Variants in TBCD observed in about 807,000 individuals in gnomAD.
TBCD encodes tubulin folding cofactor D.
A neutral mutation model predicts 169.3 loss-of-function variants in TBCD; 105 were observed. The ratio of observed to expected loss-of-function variants is 0.62; its 90% CI spans 0.53 to 0.73. The LOEUF (loss-of-function observed/expected upper bound fraction) is 0.73. Among genes scored for constraint, TBCD ranks in the 30% least tolerant of loss-of-function variants. The pLI is 0.00. For synonymous variants in TBCD, 700 were observed against 643.9 expected, an observed-to-expected ratio of 1.09 and a Z score of -1.32; for missense variants, 1,444 against 1,600.1, an observed-to-expected ratio of 0.90 and a Z score of 1.66.
rs745351441 is a variant in TBCD at position 82,758,661 on chromosome 17, CT to C, written c.235+2464del. 7.8e-3 allele frequency among the ~76,000 whole-genome samples: 738 copies of C among 94,548 alleles called. 3 individuals are homozygous for C. The highest frequency in any genetic ancestry group is 0.014 in the African/African-American group (297 of 21,650). 62.0% of individuals were successfully genotyped at this position (94,548 alleles called of 152,430 possible). A position where few individuals can be genotyped will look rare whatever the true frequency, so the allele number is the denominator to read the frequency against. On this transcript the variant is annotated intron_variant, in intron 2 of 38. Coordinates refer to ENST00000355528, the MANE Select transcript of TBCD (RefSeq NM_005993.5). ...TCCACCCTTTTGCTTTTTTTTTTTTCTTTTTTTTTTTTTTTTTTGAGATGTA... is the reference window on the plus strand; with the variant it reads ...TCCACCCTTTTGCTTTTTTTTTTTTCTTTTTTTTTTTTTTTTTGAGATGTA...
At chr17:82,773,183 C>T (rs983847689) in intron 6 of TBCD, among the ~76,000 whole-genome samples, 2 of 152,220 alleles carry the variant, frequency 1.3e-5, no homozygotes, top group East Asian at 1.9e-4. Flanking sequence ...TAAAACCTTT[C>T]GGTGGTTGTG....
At chr17:82,755,720 G>A (rs946051051) in intron 1 of TBCD, among the ~76,000 whole-genome samples, 3 of 152,166 alleles carry the variant, frequency 2.0e-5, no homozygotes, top group Non-Finnish European at 4.4e-5. Flanking sequence ...TAGATGGCTA[G>A]GGGGCTTAGA....
At chr17:82,754,490 G>A (rs2143757099) in intron 1 of TBCD, among the ~76,000 whole-genome samples, 1 of 152,366 alleles carries the variant, frequency 6.6e-6, no homozygotes, top group East Asian at 1.9e-4. Context: ...CATGTCTTGT[G>A]ATCTCAAGAA....
At chr17:82,851,544 G>T (rs749354155) in intron 13 of TBCD, among the ~76,000 whole-genome samples, 14 of 152,228 alleles carry the variant, frequency 9.2e-5, no homozygotes, top group Non-Finnish European at 1.6e-4. Context: ...CTCTGGCCCT[G>T]GCAGGAATCA....
chr17:82,824,330 C>T lies in TBCD; in HGVS notation c.1318+9396C>T, dbSNP rs998810378. 7.9e-5 allele frequency among the ~76,000 whole-genome samples: 12 copies of T among 151,774 alleles called. No homozygotes were observed. The South Asian group carries it at 1.3e-3, about 16-fold the overall frequency. Reference sequence around the variant, plus strand: ...CTGAGTAGCTGGGACTACAGGCGCCCGCCACCATGCCCGGCTAATTCGTTT... The same window carrying T: ...CTGAGTAGCTGGGACTACAGGCGCCTGCCACCATGCCCGGCTAATTCGTTT... On this transcript the variant is annotated intron_variant, in intron 13 of 38. Coordinates refer to ENST00000355528, the MANE Select transcript of TBCD (RefSeq NM_005993.5).
At chr17:82,760,046 G>A (rs1284433560) in intron 2 of TBCD, among the ~76,000 whole-genome samples, 1 of 151,526 alleles carries the variant, frequency 6.6e-6, no homozygotes, top group African/African-American at 2.4e-5. Flanking sequence ...GCTAATTTTT[G>A]TATTTTTAGT....
intron 23 of TBCD, chr17:82,912,919 A>G (rs528650797): frequency 3.3e-5 from 5 of 152,404 alleles, no homozygotes; most frequent in Admixed American, 2.0e-4. Context: ...AACGTGAGCC[A>G]GTTTCTGTCA....
chr17:82,904,575 T>C (rs184835748), intron 19 of TBCD, among the ~76,000 whole-genome samples: 2 of 152,338 alleles, frequency 1.3e-5, no homozygotes, highest in Non-Finnish European at 1.5e-5. Flanking sequence ...CTTGTTTTTT[T>C]CTACTTGGAA....
At chr17:82,927,794 TG>T in intron 29 of TBCD, 110 bp from the exon 30 acceptor site, 1 of 877,408 alleles carries the variant, frequency 1.1e-6, no homozygotes, top group Non-Finnish European at 1.8e-6. Flanking sequence ...GGGCTCTGTG[TG>T]GGGTTAGTCA....
chr17:82,911,017 C>T (rs1762743826), intron 22 of TBCD, among the ~76,000 whole-genome samples: 1 of 152,168 alleles, frequency 6.6e-6, no homozygotes, highest in Non-Finnish European at 1.5e-5. Flanking sequence ...TTCTGGCCAC[C>T]TCCTCAGTCA....
intron 13 of TBCD, among the ~76,000 whole-genome samples, chr17:82,817,113 C>T (rs1185015682): frequency 1.3e-5 from 2 of 152,028 alleles, no homozygotes; most frequent in Admixed American, 6.6e-5. Flanking sequence ...TGTTTTATTG[C>T]GTTCCATGGT....
chr17:82,799,256 A>T (rs1487364584), intron 8 of TBCD, among the ~76,000 whole-genome samples: 1 of 151,900 alleles, frequency 6.6e-6, no homozygotes, highest in Non-Finnish European at 1.5e-5. Context: ...CAGCCTGGCC[A>T]ACATAGTGAA....
At chr17:82,780,835 A>G (rs995164599) in intron 6 of TBCD, among the ~76,000 whole-genome samples, 1 of 151,668 alleles carries the variant, frequency 6.6e-6, no homozygotes, top group African/African-American at 2.4e-5. Context: ...TTTAATAGCG[A>G]CAGGGTTTCA....
chr17:82,837,770 CT>C (rs1489905773), intron 13 of TBCD, among the ~76,000 whole-genome samples: 1 of 152,236 alleles, frequency 6.6e-6, no homozygotes, highest in Non-Finnish European at 1.5e-5. Flanking sequence ...TATGCAGAGT[CT>C]TCCCTGACTG....
rs773990262 is a variant in TBCD at position 82,781,732 on chromosome 17, C to T, written c.771+11C>T. 18 of 1,612,828 alleles carry T rather than the reference C, an allele frequency of 1.1e-5. No homozygotes were observed. The South Asian group carries it at 1.8e-4, about 16-fold the overall frequency. On this transcript the variant is annotated intron_variant, in intron 7 of 38. Transcript: ENST00000355528. The stretch of plus-strand genomic sequence containing the variant: ...ACGCTGCAGGCCCTGGTAAGTGCTG[C>T]CCGCAGGGGCTGTGGAGATCGCAGG...
At chr17:82,853,722 C>T (rs1002864683) in intron 13 of TBCD, among the ~76,000 whole-genome samples, 2 of 151,924 alleles carry the variant, frequency 1.3e-5, no homozygotes, top group African/African-American at 2.4e-5. Flanking sequence ...TCTTTGGGTT[C>T]GTGTTTTCTC....
At position 82,806,156 on chromosome 17, in the gene TBCD, C is replaced by A; in HGVS notation, c.1087+145C>A. 1 of 1,118,240 alleles carries A rather than the reference C, an allele frequency of 8.9e-7. No individual in the cohort carries two copies. The highest frequency in any genetic ancestry group is 1.3e-6 in the Non-Finnish European group (1 of 797,830). 69.3% of individuals were successfully genotyped at this position (1,118,240 alleles called of 1,614,324 possible). On this transcript the variant is annotated intron_variant, in intron 10 of 38. Transcript: ENST00000355528. This position sits in a 1 kb window ranked among gnomAD's most constrained non-coding sequence, Gnocchi z 5.1. ...CTTCGCTGAGTGCACGGTCACTGCC[C>A]GTCCTCTGGCTCCTGAACCCAGGCC...
intron 34 of TBCD, chr17:82,932,945 T>G (rs1318520653): frequency 1.7e-6 from 1 of 583,604 alleles, no homozygotes; most frequent in Admixed American, 2.9e-5. Context: ...ATATTATGAC[T>G]GTAAGTGCAG....
intron 16 of TBCD, among the ~76,000 whole-genome samples, chr17:82,892,105 TTCCAGCCCTAGCCTG>T (rs1188054872): frequency 6.6e-6 from 1 of 151,232 alleles, no homozygotes; most frequent in Non-Finnish European, 1.5e-5. Context: ...GAGCCTGTTG[TTCCAGCCCTAGCCTG>T]GCCAGACAGA....
Sources: allele counts gnomAD v4.1 joint callset (sites outside exome capture counted in the v4.1 genomes callset), GRCh38; gene constraint gnomAD v4.1.1; non-coding constraint Gnocchi (gnomAD v3.1); transcripts MANE v1.5; gene names NCBI Gene and HGNC (gene_info 2026-07-23, HGNC 2026-07-21).